AGBL4: variants seen among roughly 807,000 people sequenced by gnomAD.
AGBL4 encodes the protein cytosolic carboxypeptidase 6.
A neutral mutation model predicts 66.4 loss-of-function variants in AGBL4; 58 were observed. The observed-to-expected ratio is 0.87, with a 90% CI of 0.71 to 1.09. The LOEUF (loss-of-function observed/expected upper bound fraction) is 1.09, where lower values mean the gene tolerates loss of function less well. Among genes scored for constraint, AGBL4 ranks in the 50% least tolerant of loss-of-function variants. AGBL4 has a pLI of 0.00. For missense variants in AGBL4, 579 were observed against 631.0 expected, an observed-to-expected ratio of 0.92 and a Z score of 0.88; for synonymous variants, 234 against 222.9, an observed-to-expected ratio of 1.05 and a Z score of -0.44.
intron 5 of AGBL4, among the ~76,000 whole-genome samples, chr1:48,959,613 G>C (rs1254534230): frequency 6.6e-6 from 1 of 152,228 alleles, no homozygotes; most frequent in Non-Finnish European, 1.5e-5. Context: ...GAAAGCACTA[G>C]TGATAAGGTA....
chr1:49,249,587 G>A (rs1175070596), intron 3 of AGBL4, among the ~76,000 whole-genome samples: 7 of 152,138 alleles, frequency 4.6e-5, no homozygotes, highest in Admixed American at 4.6e-4. Flanking sequence ...TGGTGAGGAT[G>A]TAGAAAAAAA....
intron 3 of AGBL4, among the ~76,000 whole-genome samples, chr1:49,570,695 C>T (rs186355889): frequency 1.2e-4 from 18 of 152,010 alleles, no homozygotes; most frequent in Admixed American, 7.9e-4. Flanking sequence ...CCTAGATTTT[C>T]GTCTAGTATT....
intron 11 of AGBL4, among the ~76,000 whole-genome samples, chr1:48,557,412 C>A (rs1406106977): frequency 6.6e-6 from 1 of 152,088 alleles, no homozygotes; most frequent in Non-Finnish European, 1.5e-5. Flanking sequence ...AAATGTCACA[C>A]ACTCCAGAAG....
At chr1:48,919,423 G>C (rs1216738451) in intron 5 of AGBL4, among the ~76,000 whole-genome samples, 1 of 152,112 alleles carries the variant, frequency 6.6e-6, no homozygotes, top group African/African-American at 2.4e-5. Context: ...TATACACATT[G>C]CCTGATTTAT....
At chr1:49,362,935 A>C (rs556002851) in intron 3 of AGBL4, among the ~76,000 whole-genome samples, 1 of 152,314 alleles carries the variant, frequency 6.6e-6, no homozygotes, top group African/African-American at 2.4e-5. Context: ...AATTTTGGAC[A>C]TACTGAATTT....
At chr1:49,861,024 C>A (rs1646559887) in intron 1 of AGBL4, among the ~76,000 whole-genome samples, 1 of 152,146 alleles carries the variant, frequency 6.6e-6, no homozygotes, top group South Asian at 2.1e-4. Context: ...TTGTGACGCA[C>A]TGAACTCAGT....
chr1:48,965,208 G>A (rs1658319435), intron 5 of AGBL4, among the ~76,000 whole-genome samples: 1 of 152,160 alleles, frequency 6.6e-6, no homozygotes, highest in Non-Finnish European at 1.5e-5. Context: ...GGAAAGCAGG[G>A]ATACAGGATT....
chr1:48,747,371 G>A (rs1207949639), intron 6 of AGBL4, among the ~76,000 whole-genome samples: 1 of 152,150 alleles, frequency 6.6e-6, no homozygotes, highest in East Asian at 1.9e-4. Flanking sequence ...CTTTTAAAAA[G>A]TATGAAAGGT....
intron 3 of AGBL4, among the ~76,000 whole-genome samples, chr1:49,673,079 C>A (rs1403626986): frequency 1.3e-5 from 2 of 152,008 alleles, no homozygotes; most frequent in Non-Finnish European, 2.9e-5. Flanking sequence ...GTAAGTTGAC[C>A]CCACACATGA....
chr1:49,135,342 T>C (rs758553909), intron 4 of AGBL4, among the ~76,000 whole-genome samples: 4 of 152,254 alleles, frequency 2.6e-5, no homozygotes, highest in Admixed American at 6.5e-5. Flanking sequence ...AAAAGATATA[T>C]GTGCAAACAT....
chr1:48,696,767 A>T (rs1646719964), intron 6 of AGBL4, among the ~76,000 whole-genome samples: 1 of 152,200 alleles, frequency 6.6e-6, no homozygotes, highest in Admixed American at 6.5e-5. Flanking sequence ...TAGAAATTAC[A>T]GCAATGTGGC....
intron 1 of AGBL4, among the ~76,000 whole-genome samples, chr1:50,010,447 C>G (rs1661446948): frequency 6.9e-6 from 1 of 145,320 alleles, no homozygotes; most frequent in Non-Finnish European, 1.5e-5. Context: ...AAAAATAATC[C>G]CAAAATTTGT....
intron 1 of AGBL4, among the ~76,000 whole-genome samples, chr1:49,918,714 G>A (rs573027061): frequency 6.6e-6 from 1 of 152,146 alleles, no homozygotes; most frequent in African/African-American, 2.4e-5. Flanking sequence ...GAAAAAGAGG[G>A]AATACTCCCT....
intron 5 of AGBL4, among the ~76,000 whole-genome samples, chr1:48,967,640 T>C (rs552627527): frequency 6.6e-6 from 1 of 152,262 alleles, no homozygotes; most frequent in African/African-American, 2.4e-5. Flanking sequence ...CTGGAGGAGA[T>C]GCCCTTTTTA....
intron 5 of AGBL4, among the ~76,000 whole-genome samples, chr1:48,957,258 T>C (rs1657528960): frequency 6.6e-6 from 1 of 152,226 alleles, no homozygotes; most frequent in African/African-American, 2.4e-5. Context: ...ACCTAAAGTA[T>C]ACTTTTTTCC....
chr1:48,702,725 A>T (rs975627083), intron 6 of AGBL4, among the ~76,000 whole-genome samples: 6 of 152,228 alleles, frequency 3.9e-5, no homozygotes, highest in Non-Finnish European at 8.8e-5. Context: ...GATGAAATAG[A>T]AAGTGCATTG....
intron 11 of AGBL4, among the ~76,000 whole-genome samples, chr1:48,572,692 G>C (rs1402463782): frequency 1.3e-5 from 2 of 152,096 alleles, no homozygotes; most frequent in African/African-American, 4.8e-5. Flanking sequence ...AACTGAAGGG[G>C]GGGTGCGTCT....
chr1:48,893,642 G>A (rs944458247), intron 5 of AGBL4, among the ~76,000 whole-genome samples: 3 of 151,748 alleles, frequency 2.0e-5, no homozygotes, highest in African/African-American at 4.8e-5. Flanking sequence ...CCGAGATGGC[G>A]CCACTGCACT....
intron 11 of AGBL4, among the ~76,000 whole-genome samples, chr1:48,570,425 A>C (rs753787196): frequency 9.2e-5 from 14 of 152,224 alleles, no homozygotes; most frequent in Non-Finnish European, 1.9e-4. Flanking sequence ...TCTCACAGGC[A>C]GTCTGGATGT....
Sources: allele counts gnomAD v4.1 joint callset (sites outside exome capture counted in the v4.1 genomes callset), GRCh38; gene constraint gnomAD v4.1.1; transcripts MANE v1.5; gene names NCBI Gene and HGNC (gene_info 2026-07-23, HGNC 2026-07-21).